RCC2: variants seen among roughly 807,000 people sequenced by gnomAD.
RCC2 encodes the protein protein RCC2.
RCC2 carries 19 observed loss-of-function variants against 64.1 expected under a neutral mutation model. The observed-to-expected ratio is 0.30, with a 90% CI of 0.21 to 0.44. RCC2 has a LOEUF of 0.44. Ranked by LOEUF, RCC2 falls within the 20% of genes least tolerant of loss-of-function variation. The pLI is 1.00. For synonymous variants in RCC2, 325 were observed against 279.6 expected, an observed-to-expected ratio of 1.16 and a Z score of -1.62; for missense variants, 508 against 710.4, an observed-to-expected ratio of 0.72 and a Z score of 3.24.
Position 17,429,129 on chromosome 1 carries a change from C to T in RCC2, c.356G>A (p.Arg119Gln), listed in dbSNP as rs1239148028. 6.2e-7 allele frequency: 1 copy of T among 1,614,132 alleles called. No homozygotes were observed. The highest frequency in any genetic ancestry group is 8.5e-7 in the Non-Finnish European group (1 of 1,179,960). Reference protein sequence around the residue: ...FGATNWDLIGRKEVPKQQAAY... With the variant: ...FGATNWDLIGQKEVPKQQAAY... ...ACCTTGCTGTTTAGGCACTTCTTTT[C>T]GACCAATCAAGTCCCAGTTGGTTGC... Residue 119 changes from arginine to glutamine, a missense_variant, in exon 3 of 13, where the codon CGA becomes CAA. Arg to Gln is a conservative substitution (Grantham distance 43). This residue lies in a region of RCC2 where 132 missense variants were observed against 207.3 expected (regional missense o/e 0.64). Coordinates refer to ENST00000375436, the MANE Select transcript of RCC2 (RefSeq NM_018715.4).
In RCC2 at chr1:17,430,255, G is replaced by A. The variant is rs1365996036; in HGVS notation, c.286-1056C>T. Among the ~76,000 whole-genome samples, 5 of 152,208 alleles carry A rather than the reference G, an allele frequency of 3.3e-5. No homozygotes were observed. The South Asian group carries it at 6.2e-4, about 19-fold the overall frequency. ...AGTCTGGCAAGGCGCAATGGCTCAC[G>A]CCTGTAATCCCAGCACTTTGGAAGG... On this transcript the variant is annotated intron_variant, in intron 2 of 12. Transcript: ENST00000375436.
intron 4 of RCC2, among the ~76,000 whole-genome samples, chr1:17,423,599 T>C (rs907452635): frequency 6.6e-6 from 1 of 152,224 alleles, no homozygotes; most frequent in African/African-American, 2.4e-5. Flanking sequence ...GGAAGTTGGG[T>C]GGGCCAAAAG....
chr1:17,421,534 C>T (rs1354463646), intron 6 of RCC2, among the ~76,000 whole-genome samples: 3 of 151,992 alleles, frequency 2.0e-5, no homozygotes, highest in Non-Finnish European at 4.4e-5. Context: ...TATTTGTATT[C>T]TAAGCATCTG....
At chr1:17,430,656 C>T (rs1302744809) in intron 2 of RCC2, among the ~76,000 whole-genome samples, 1 of 152,088 alleles carries the variant, frequency 6.6e-6, no homozygotes, top group Non-Finnish European at 1.5e-5. Context: ...GGCGTGGTGG[C>T]ATCCGCCTGT....
chr1:17,430,989 A>G (rs1201230586), intron 2 of RCC2, among the ~76,000 whole-genome samples: 1 of 151,772 alleles, frequency 6.6e-6, no homozygotes, highest in Non-Finnish European at 1.5e-5. Flanking sequence ...AAGTGCCGAT[A>G]AAATGCCAAT....
chr1:17,436,088 A>G (rs1224940570), intron 2 of RCC2, among the ~76,000 whole-genome samples: 1 of 152,226 alleles, frequency 6.6e-6, no homozygotes, highest in African/African-American at 2.4e-5. Flanking sequence ...AAGTGGATAG[A>G]GAAAGGAAGA....
At position 17,429,208 on chromosome 1, in the gene RCC2, A is replaced by G. The variant is rs920870683; in HGVS notation, c.286-9T>C. 6.2e-7 allele frequency: 1 copy of G among 1,612,320 alleles called. No homozygotes were observed. On this transcript the variant is annotated splice_polypyrimidine_tract_variant and intron_variant, in intron 2 of 12. Coordinates refer to ENST00000375436, the MANE Select transcript of RCC2 (RefSeq NM_018715.4). ...TTTGACCCTTCAAGTTTCTGCAGAG[A>G]CAGAGAAAGGAAAAAAGAATTAGTG...
chr1:17,437,861 G>A (rs1231889947), intron 2 of RCC2, among the ~76,000 whole-genome samples: 1 of 144,986 alleles, frequency 6.9e-6, no homozygotes, highest in Admixed American at 6.8e-5. Flanking sequence ...CAGGCCGGGC[G>A]AACTTACCGA....
intron 3 of RCC2, among the ~76,000 whole-genome samples, chr1:17,428,441 G>A (rs1484679283): frequency 2.6e-5 from 4 of 152,210 alleles, no homozygotes; most frequent in South Asian, 2.1e-4. Flanking sequence ...GTGCCAAGAC[G>A]AGCCAGCGTG....
intron 4 of RCC2, among the ~76,000 whole-genome samples, chr1:17,424,776 C>T (rs770731075): frequency 6.6e-6 from 1 of 152,050 alleles, no homozygotes; most frequent in Admixed American, 6.5e-5. Context: ...AGGCAGAGGC[C>T]GGGAGTCACC....
intron 12 of RCC2, among the ~76,000 whole-genome samples, chr1:17,409,611 C>T (rs954948554): frequency 2.0e-4 from 30 of 152,260 alleles, no homozygotes; most frequent in African/African-American, 7.0e-4. Flanking sequence ...CCATCTGACT[C>T]CTGCAGCCAC....
In RCC2 at chr1:17,438,518, C is replaced by G. The variant is rs1254689008; in HGVS notation, c.-4G>C. ...CCGCCGCCTTCTTCCTGGGCATGGT[C>G]GCGGCTGGAGGGAGACACGGGGCAG... On this transcript the variant is annotated 5_prime_UTR_variant, in exon 2 of 13. Transcript: ENST00000375436. The G allele has an allele frequency of 7.5e-7, 1 of 1,339,730 alleles. No individual in the cohort carries two copies. 83.0% of individuals were successfully genotyped at this position (1,339,730 alleles called of 1,614,324 possible).
At chr1:17,414,028 G>A (rs1294596407) in intron 8 of RCC2, among the ~76,000 whole-genome samples, 4 of 152,196 alleles carry the variant, frequency 2.6e-5, no homozygotes, top group East Asian at 1.9e-4. Flanking sequence ...CCCGCCTCCA[G>A]CAGTGGGGGA....
rs2075488244 is a variant in RCC2 at position 17,416,582 on chromosome 1, A to T, written c.924T>A (p.Val308=). 6.2e-7 allele frequency: 1 copy of T among 1,614,026 alleles called. No individual in the cohort carries two copies. The highest frequency in any genetic ancestry group is 2.2e-5 in the East Asian group (1 of 44,882). Reference sequence around the variant, plus strand: ...CAATGAAGATGGCCACTCGCCGGGGAACTAGTTCACAGTCGTACTCTATCC... The same window carrying T: ...CAATGAAGATGGCCACTCGCCGGGGTACTAGTTCACAGTCGTACTCTATCC... ...AQRIEYDCEL[V]PRRVAIFIEK... The change falls in exon 8 of 13, where the codon GTT becomes GTA. Residue 308 remains valine (V), a synonymous_variant. Transcript: ENST00000375436.
In RCC2 at chr1:17,435,389, A is replaced by G. The variant is rs189547194; in HGVS notation, c.285+2841T>C. Among the ~76,000 whole-genome samples the G allele has an allele frequency of 7.7e-4, 117 of 152,338 alleles. 1 individual carries two copies. Among genetic ancestry groups the G allele is most frequent in the African/African-American group, 2.7e-3 (113 of 41,568 alleles). On this transcript the variant is annotated intron_variant, in intron 2 of 12. Transcript: ENST00000375436. The stretch of plus-strand genomic sequence containing the variant: ...GCTGCTTTCACACAGACCTCCTCCT[A>G]GCAACCCTGAGCGGGGCAAGGCATG...
At chr1:17,431,726 C>G (rs980752949) in intron 2 of RCC2, among the ~76,000 whole-genome samples, 2 of 151,832 alleles carry the variant, frequency 1.3e-5, no homozygotes, top group African/African-American at 4.8e-5. Context: ...GGTTCCGTCA[C>G]GCTTGCCCAC....
At chr1:17,425,500 T>C (rs376875343) in intron 4 of RCC2, 41 bp downstream of exon 4, 52 of 1,543,446 alleles carry the variant, frequency 3.4e-5, no homozygotes, top group Non-Finnish European at 3.5e-5. Flanking sequence ...GGACAGCTGG[T>C]GACAGTGGTC....
intron 10 of RCC2, among the ~76,000 whole-genome samples, 175 bp downstream of exon 10, chr1:17,412,897 GC>G (rs1354730314): frequency 6.6e-6 from 1 of 152,248 alleles, no homozygotes; most frequent in East Asian, 1.9e-4. Context: ...CAGCAAATGG[GC>G]CCTCTCCCCT....
intron 6 of RCC2, 85 bp from the exon 7 acceptor site, chr1:17,420,913 T>A: frequency 1.2e-6 from 1 of 837,242 alleles, no homozygotes. Context: ...GGGAAACAAT[T>A]ACTAGGTTAC....
Sources: allele counts gnomAD v4.1 joint callset (sites outside exome capture counted in the v4.1 genomes callset), GRCh38; gene constraint gnomAD v4.1.1; regional missense constraint gnomAD v4.1.1; transcripts MANE v1.5; gene names NCBI Gene and HGNC (gene_info 2026-07-23, HGNC 2026-07-21).